The following ABL1 variants were observed in gnomAD, a reference collection of about 807,000 sequenced individuals.
ABL1 encodes the protein ABL proto-oncogene 1, non-receptor tyrosine kinase.
Under a neutral mutation model 94.7 loss-of-function variants are expected in ABL1, and 11 were observed. The ratio of observed to expected loss-of-function variants is 0.12; its 90% CI spans 0.07 to 0.19. The LOEUF (loss-of-function observed/expected upper bound fraction) is 0.19, where lower values mean the gene tolerates loss of function less well. Among genes scored for constraint, ABL1 ranks in the 10% least tolerant of loss-of-function variants. ABL1 has a pLI of 1.00. For missense variants in ABL1, 1,082 were observed against 1,489.4 expected (o/e 0.73, Z 4.50); for synonymous variants, 656 against 622.4 (o/e 1.05, Z -0.80).
intron 1 of ABL1, among the ~76,000 whole-genome samples, chr9:130,808,466 A>C (rs1407558822): frequency 2.6e-5 from 4 of 151,776 alleles, no homozygotes; most frequent in Middle Eastern, 3.2e-3. Context: ...CTGGTCTCGA[A>C]CTCCTGACCT....
In ABL1 at chr9:130,734,370, T is replaced by C. The variant is rs375403817; in HGVS notation, c.136+19915T>C. On this transcript the variant is annotated intron_variant, in intron 1 of 10. Transcript: ENST00000372348. ...CTGGGACTACAGGCACCCGCCACCA[T>C]GCCTGGCTAATTTTTTTTGCATGTT... Among the ~76,000 whole-genome samples the C allele has an allele frequency of 3.9e-3, 566 of 145,850 alleles. 2 individuals carry two copies. Among genetic ancestry groups the C allele is most frequent in the African/African-American group, 0.013 (532 of 39,418 alleles).
chr9:130,802,355 A>G (rs1056385082), intron 1 of ABL1, among the ~76,000 whole-genome samples: 3 of 152,220 alleles, frequency 2.0e-5, no homozygotes, highest in South Asian at 2.1e-4. Context: ...TGGTCTCCCA[A>G]AATGCTAGGA....
At chr9:130,767,022 G>C (rs1832191973) in intron 1 of ABL1, among the ~76,000 whole-genome samples, 1 of 152,158 alleles carries the variant, frequency 6.6e-6, no homozygotes, top group Non-Finnish European at 1.5e-5. Context: ...TTTACTGCCA[G>C]TGCTTTTTCC....
chr9:130,822,807 T>C (rs991410084), intron 1 of ABL1, among the ~76,000 whole-genome samples: 2 of 152,052 alleles, frequency 1.3e-5, no homozygotes, highest in African/African-American at 4.8e-5. Context: ...ACAAGTTCTT[T>C]TTTTTTTCGA....
At chr9:130,728,924 G>A (rs550802427) in intron 1 of ABL1, among the ~76,000 whole-genome samples, 2 of 152,228 alleles carry the variant, frequency 1.3e-5, no homozygotes, top group African/African-American at 4.8e-5. Flanking sequence ...TGCCAGACAT[G>A]TGGGTGTTAT....
chr9:130,866,906 G>C (rs1304218382), intron 4 of ABL1, among the ~76,000 whole-genome samples: 1 of 152,198 alleles, frequency 6.6e-6, no homozygotes, highest in African/African-American at 2.4e-5. Context: ...CAAACTCCTG[G>C]CTCAAGCAGT....
intron 6 of ABL1, among the ~76,000 whole-genome samples, chr9:130,873,572 T>C (rs1288155196): frequency 6.6e-6 from 1 of 152,238 alleles, no homozygotes; most frequent in Non-Finnish European, 1.5e-5. Flanking sequence ...GTCCTCTGAT[T>C]CAGGGATGTT....
intron 1 of ABL1, among the ~76,000 whole-genome samples, chr9:130,769,033 CG>C (rs1564285071): frequency 6.6e-6 from 1 of 152,000 alleles, no homozygotes; most frequent in African/African-American, 2.4e-5. Context: ...TGGAATGGAT[CG>C]GGGTGGGTAT....
intron 1 of ABL1, among the ~76,000 whole-genome samples, chr9:130,725,977 T>C (rs1455471439): frequency 6.7e-6 from 1 of 149,838 alleles, no homozygotes; most frequent in Non-Finnish European, 1.5e-5. Context: ...GCCTCTCGAG[T>C]AGCTGGGACC....
intron 1 of ABL1, among the ~76,000 whole-genome samples, chr9:130,755,483 T>A (rs879809648): frequency 8.5e-5 from 13 of 152,198 alleles, no homozygotes; most frequent in Admixed American, 3.3e-4. Flanking sequence ...CTCAGTGCTT[T>A]CTGCATATGT....
intron 1 of ABL1, among the ~76,000 whole-genome samples, chr9:130,790,185 T>C (rs749982618): frequency 3.9e-5 from 6 of 152,270 alleles, no homozygotes; most frequent in Non-Finnish European, 7.3e-5. Context: ...GTCTCTCTGA[T>C]ACTCTAGAAG....
intron 1 of ABL1, among the ~76,000 whole-genome samples, chr9:130,769,538 C>T (rs992905645): frequency 2.6e-5 from 4 of 151,652 alleles, no homozygotes; most frequent in South Asian, 2.1e-4. Flanking sequence ...GGGGTTTCAC[C>T]GTGTTGGCCA....
intron 1 of ABL1, among the ~76,000 whole-genome samples, chr9:130,836,948 T>G (rs1390875803): frequency 6.6e-6 from 1 of 152,196 alleles, no homozygotes; most frequent in Non-Finnish European, 1.5e-5. Flanking sequence ...CAGGCCTCAT[T>G]TATTTTCTAA....
At chr9:130,803,433 T>G (rs777957141) in intron 1 of ABL1, among the ~76,000 whole-genome samples, 1 of 152,246 alleles carries the variant, frequency 6.6e-6, no homozygotes, top group Non-Finnish European at 1.5e-5. Flanking sequence ...CTGTCATGTC[T>G]GTGCATGACA....
intron 1 of ABL1, among the ~76,000 whole-genome samples, chr9:130,794,194 CAAA>C (rs1829945024): frequency 6.6e-6 from 1 of 152,274 alleles, no homozygotes; most frequent in African/African-American, 2.4e-5. Flanking sequence ...TTCCTGGTGC[CAAA>C]AGGGTTGGGG....
chr9:130,771,753 T>TTTCTTTGTTTCTTTC (rs373380195), intron 1 of ABL1, among the ~76,000 whole-genome samples: 47 of 50,666 alleles, frequency 9.3e-4, no homozygotes, highest in Non-Finnish European at 1.4e-3. Flanking sequence ...TCTTTCTTTC[T>TTTCTTTGTTTCTTTC]TTTTTTTTTT....
intron 1 of ABL1, among the ~76,000 whole-genome samples, chr9:130,804,737 A>G (rs1410948351): frequency 6.6e-6 from 1 of 152,254 alleles, no homozygotes; most frequent in African/African-American, 2.4e-5. Context: ...TTAATTTAGA[A>G]GGTTTAAATC....
intron 10 of ABL1, 62 bp from the exon 11 acceptor site, chr9:130,883,907 G>C: frequency 6.5e-7 from 1 of 1,531,652 alleles, no homozygotes; most frequent in South Asian, 1.3e-5. Flanking sequence ...GGGTTCAAGC[G>C]ATTCTCCTCT....
chr9:130,853,024 C>G (rs1049334621), intron 1 of ABL1, among the ~76,000 whole-genome samples: 2 of 152,114 alleles, frequency 1.3e-5, no homozygotes, highest in South Asian at 4.2e-4. Flanking sequence ...GCGTCTGTTA[C>G]GGAGAATAGG....
Sources: allele counts gnomAD v4.1 joint callset (sites outside exome capture counted in the v4.1 genomes callset), GRCh38; gene constraint gnomAD v4.1.1; transcripts MANE v1.5; gene names NCBI Gene and HGNC (gene_info 2026-07-23, HGNC 2026-07-21).